Variants in RPGRIP1L observed in about 807,000 individuals in gnomAD.
The protein encoded by RPGRIP1L is RPGRIP1 like.
Under a neutral mutation model 160.4 loss-of-function variants are expected in RPGRIP1L, and 131 were observed. That is an observed-to-expected ratio of 0.82 (90% CI 0.71 to 0.94). RPGRIP1L has a LOEUF of 0.94. RPGRIP1L is among the 40% of genes least tolerant of loss of function. RPGRIP1L has a pLI of 0.00. For missense variants in RPGRIP1L, 1,522 were observed against 1,535.8 expected, an observed-to-expected ratio of 0.99 and a Z score of 0.15; for synonymous variants, 510 against 515.8, an observed-to-expected ratio of 0.99 and a Z score of 0.15.
intron 22 of RPGRIP1L, among the ~76,000 whole-genome samples, chr16:53,632,429 A>T (rs575039466): frequency 2.6e-5 from 4 of 152,314 alleles, no homozygotes; most frequent in Admixed American, 2.6e-4. Context: ...CATTATTGAC[A>T]GCATGATCTT....
intron 6 of RPGRIP1L, among the ~76,000 whole-genome samples, chr16:53,679,250 A>T (rs1969430382): frequency 6.6e-6 from 1 of 152,126 alleles, no homozygotes; most frequent in Admixed American, 6.5e-5. Flanking sequence ...CTACATGCAT[A>T]AAATCACACT....
At chr16:53,619,356 C>T (rs1394291871) in intron 23 of RPGRIP1L, 148 bp from the exon 24 acceptor site, 6 of 691,600 alleles carry the variant, frequency 8.7e-6, no homozygotes, top group Admixed American at 4.7e-5. Flanking sequence ...CTGTATGTTA[C>T]ACATGATAGA....
At chr16:53,683,636 T>A (rs1969765661) in intron 6 of RPGRIP1L, among the ~76,000 whole-genome samples, 2 of 149,234 alleles carry the variant, frequency 1.3e-5, no homozygotes, top group African/African-American at 2.5e-5. Context: ...TAAAGCTGAG[T>A]GATGTGTATG....
chr16:53,665,952 T>C (rs1361916518), intron 9 of RPGRIP1L, among the ~76,000 whole-genome samples: 2 of 152,206 alleles, frequency 1.3e-5, no homozygotes, highest in African/African-American at 4.8e-5. Context: ...GATCTTGATC[T>C]GAATTTCAGC....
intron 14 of RPGRIP1L, chr16:53,653,479 A>G (rs1229395237): frequency 6.7e-6 from 2 of 299,816 alleles, no homozygotes; most frequent in Non-Finnish European, 9.8e-6. Flanking sequence ...GGCCAACCAA[A>G]TATCACCAAC....
At position 53,610,950 on chromosome 16, in the gene RPGRIP1L, G is replaced by T. The variant is rs774048407; in HGVS notation, c.3701+17C>A. 2 of 1,550,724 alleles carry T rather than the reference G, an allele frequency of 1.3e-6. No individual in the cohort carries two copies. The highest frequency in any genetic ancestry group is 2.2e-5 in the South Asian group (2 of 89,816). On this transcript the variant is annotated intron_variant, in intron 25 of 26. Transcript: ENST00000647211. The stretch of plus-strand genomic sequence containing the variant: ...CTTTATGTAAACCATTAGATTATTT[G>T]GACTGCCAAAACATACCTTCTATTA...
intron 2 of RPGRIP1L, among the ~76,000 whole-genome samples, chr16:53,699,880 A>G (rs573869860): frequency 6.6e-6 from 1 of 152,164 alleles, no homozygotes; most frequent in African/African-American, 2.4e-5. Context: ...AATAAACAAT[A>G]CATTGACCAC....
intron 25 of RPGRIP1L, among the ~76,000 whole-genome samples, chr16:53,606,624 T>G (rs1393965094): frequency 6.6e-6 from 1 of 151,954 alleles, no homozygotes. Context: ...GTTTGTTGTG[T>G]TTTTTTTGAG....
chr16:53,610,877 C>T lies in RPGRIP1L; in HGVS notation c.3701+90G>A, dbSNP rs147132440. The T allele has an allele frequency of 0.022, 23,073 of 1,051,270 alleles. 341 individuals are homozygous for T. The highest frequency in any genetic ancestry group is 0.026 in the Non-Finnish European group (17,611 of 671,344). The allele number at this position is 1,051,270 out of a possible 1,614,324, so 65.1% of individuals were successfully genotyped here. A position where few individuals can be genotyped will look rare whatever the true frequency, so the allele number is the denominator to read the frequency against. On this transcript the variant is annotated intron_variant, in intron 25 of 26. Coordinates refer to ENST00000647211, the MANE Select transcript of RPGRIP1L (RefSeq NM_015272.5). Reference sequence around the variant, plus strand: ...GTCAGAGAACCCCGATGTTCGGCTTCCTCATCTTGTGCCTTTTATTTTAAC... The same window carrying T: ...GTCAGAGAACCCCGATGTTCGGCTTTCTCATCTTGTGCCTTTTATTTTAAC...
intron 2 of RPGRIP1L, among the ~76,000 whole-genome samples, chr16:53,698,948 C>A (rs371133025): frequency 5.3e-5 from 8 of 151,616 alleles, no homozygotes; most frequent in African/African-American, 1.9e-4. Flanking sequence ...GAATAGAAAG[C>A]GGGGAAAGGT....
intron 6 of RPGRIP1L, among the ~76,000 whole-genome samples, chr16:53,683,849 T>G (rs188453829): frequency 9.2e-5 from 14 of 152,132 alleles, no homozygotes; most frequent in African/African-American, 3.4e-4. Context: ...GGAAATAAAA[T>G]ATCGTACATT....
chr16:53,656,705 A>G lies in RPGRIP1L; in HGVS notation c.1582-116T>C, dbSNP rs1314073239. On this transcript the variant is annotated intron_variant, in intron 13 of 26. Coordinates refer to ENST00000647211, the MANE Select transcript of RPGRIP1L (RefSeq NM_015272.5). ...CTGGAAATAGTAGGAGCTATGAACCATGGTTTCCTGACCTCAAGTAGCTTA... is the reference window on the plus strand; with the variant it reads ...CTGGAAATAGTAGGAGCTATGAACCGTGGTTTCCTGACCTCAAGTAGCTTA... The G allele has an allele frequency of 7.5e-6, 6 of 795,900 alleles. No individual in the cohort carries two copies. The East Asian group carries it at 1.5e-4, about 20-fold the overall frequency. The allele number at this position is 795,900 out of a possible 1,614,324, so 49.3% of individuals were successfully genotyped here. A position where few individuals can be genotyped will look rare whatever the true frequency, so the allele number is the denominator to read the frequency against.
At chr16:53,606,644 C>T (rs568647067) in intron 25 of RPGRIP1L, among the ~76,000 whole-genome samples, 3 of 152,218 alleles carry the variant, frequency 2.0e-5, no homozygotes, top group South Asian at 2.1e-4. Context: ...GATGGAGTCT[C>T]GCTCTGTCAC....
intron 22 of RPGRIP1L, among the ~76,000 whole-genome samples, chr16:53,626,991 C>T (rs971267508): frequency 6.6e-6 from 1 of 152,082 alleles, no homozygotes; most frequent in African/African-American, 2.4e-5. Flanking sequence ...GTGATTTTGG[C>T]TCAATTCCAC....
chr16:53,641,240 CAAAATTTTATACTTGTA>C (rs1966198275), intron 18 of RPGRIP1L, 28 bp downstream of exon 18: 5 of 1,582,884 alleles, frequency 3.2e-6, no homozygotes, highest in Non-Finnish European at 4.3e-6. Context: ...GCTTTATATT[CAAAATTTTATACTTGTA>C]AAAAAATTAA....
intron 3 of RPGRIP1L, chr16:53,695,750 C>T (rs778346258): frequency 2.3e-5 from 8 of 350,592 alleles, no homozygotes; most frequent in African/African-American, 2.1e-5. Flanking sequence ...ATTAGTAAAC[C>T]CCAAATCTTA....
intron 1 of RPGRIP1L, among the ~76,000 whole-genome samples, chr16:53,702,847 G>A (rs533516498): frequency 6.6e-6 from 1 of 151,990 alleles, no homozygotes; most frequent in African/African-American, 2.4e-5. Flanking sequence ...GCCTCTATCT[G>A]AAGTTATCAG....
intron 22 of RPGRIP1L, among the ~76,000 whole-genome samples, chr16:53,631,183 G>A (rs1212403103): frequency 6.6e-6 from 1 of 152,184 alleles, no homozygotes; most frequent in Non-Finnish European, 1.5e-5. Context: ...TAAAGCGAGT[G>A]AATTGATTTC....
In RPGRIP1L at chr16:53,638,403, A is replaced by T; in HGVS notation, c.2967T>A (p.Ser989=). 6.5e-7 allele frequency: 1 copy of T among 1,527,412 alleles called. No homozygotes were observed. Among genetic ancestry groups the T allele is most frequent in the Non-Finnish European group, 9.1e-7 (1 of 1,101,784 alleles). The allele number at this position is 1,527,412 out of a possible 1,614,324, so 94.6% of individuals were successfully genotyped here. The part of the protein sequence containing the change: ...DIMPHQSDET[S]PPPEDRKEIS... ...TTTCCTTCCTATCTTCAGGAGGAGG[A>T]GAAGTCTCCTTATATTAATGTGAAA... Residue 989 remains serine, a synonymous_variant, in exon 20 of 27, where the codon TCT becomes TCA. Coordinates refer to ENST00000647211, the MANE Select transcript of RPGRIP1L (RefSeq NM_015272.5).
Sources: allele counts gnomAD v4.1 joint callset (sites outside exome capture counted in the v4.1 genomes callset), GRCh38; gene constraint gnomAD v4.1.1; transcripts MANE v1.5; gene names NCBI Gene and HGNC (gene_info 2026-07-23, HGNC 2026-07-21).